Variants in ASAP1 observed in about 807,000 individuals in gnomAD.
ASAP1 encodes ArfGAP with SH3 domain, ankyrin repeat and PH domain 1.
Under a neutral mutation model 145.2 loss-of-function variants are expected in ASAP1, and 43 were observed. The ratio of observed to expected loss-of-function variants is 0.30; its 90% CI spans 0.23 to 0.38. The LOEUF (loss-of-function observed/expected upper bound fraction) is 0.38. ASAP1 is among the 10% of genes least tolerant of loss of function. The probability of loss-of-function intolerance (pLI) is 1.00; values close to 1 mark genes in which losing one functional copy is unlikely to be tolerated. For missense variants in ASAP1, 1,018 were observed against 1,355.3 expected, an observed-to-expected ratio of 0.75 and a Z score of 3.91; for synonymous variants, 546 against 515.5, an observed-to-expected ratio of 1.06 and a Z score of -0.80.
At chr8:130,333,558 C>T (rs914056711) in intron 3 of ASAP1, among the ~76,000 whole-genome samples, 4 of 152,148 alleles carry the variant, frequency 2.6e-5, no homozygotes, top group Non-Finnish European at 5.9e-5. Context: ...GAGCCAAGAT[C>T]GTGCCATTGC....
chr8:130,322,147 C>A (rs1471750198), intron 3 of ASAP1, among the ~76,000 whole-genome samples: 2 of 152,062 alleles, frequency 1.3e-5, no homozygotes, highest in African/African-American at 4.8e-5. Flanking sequence ...GCAAGTAAAA[C>A]ACACAAAAGC....
At chr8:130,375,746 T>C (rs1027935971) in intron 2 of ASAP1, among the ~76,000 whole-genome samples, 1 of 152,154 alleles carries the variant, frequency 6.6e-6, no homozygotes, top group Non-Finnish European at 1.5e-5. Context: ...TCTTACACTA[T>C]CCTGTGAGTG....
chr8:130,110,423 T>A (rs1165538992), intron 24 of ASAP1, among the ~76,000 whole-genome samples: 1 of 152,208 alleles, frequency 6.6e-6, no homozygotes, highest in East Asian at 1.9e-4. Flanking sequence ...CTTCTCACAG[T>A]CCTCTGTAGG....
intron 5 of ASAP1, among the ~76,000 whole-genome samples, chr8:130,209,097 T>A (rs1816417449): frequency 6.6e-6 from 1 of 152,224 alleles, no homozygotes; most frequent in Admixed American, 6.5e-5. Context: ...ATAGTAATAC[T>A]AATATTAATG....
chr8:130,193,912 A>G (rs1815309459), intron 5 of ASAP1, among the ~76,000 whole-genome samples: 1 of 152,086 alleles, frequency 6.6e-6, no homozygotes, highest in African/African-American at 2.4e-5. Context: ...CTGGTTTCCA[A>G]CTCCTGGCCT....
At chr8:130,217,721 AG>A (rs1817024886) in intron 4 of ASAP1, among the ~76,000 whole-genome samples, 1 of 152,158 alleles carries the variant, frequency 6.6e-6, no homozygotes, top group Non-Finnish European at 1.5e-5. Context: ...ATTCCTTTTC[AG>A]GAATTTAAGA....
intron 3 of ASAP1, among the ~76,000 whole-genome samples, chr8:130,257,786 A>ACCCCCC (rs11392655): frequency 7.5e-6 from 1 of 132,874 alleles, no homozygotes; most frequent in African/African-American, 2.9e-5. Context: ...ACTCAAGAGC[A>ACCCCCC]CCCCCCCCCC....
chr8:130,421,000 C>T (rs1370901481), intron 1 of ASAP1, among the ~76,000 whole-genome samples: 1 of 152,120 alleles, frequency 6.6e-6, no homozygotes, highest in Non-Finnish European at 1.5e-5. Flanking sequence ...TATCGGGCTC[C>T]AATGAGGAAC....
chr8:130,148,482 T>C (rs1005670886), intron 13 of ASAP1, among the ~76,000 whole-genome samples: 69 of 152,338 alleles, frequency 4.5e-4, no homozygotes, highest in African/African-American at 1.6e-3. Flanking sequence ...ATGAAGATAG[T>C]GATGCCTATC....
At chr8:130,132,967 C>T (rs80230739) in intron 15 of ASAP1, among the ~76,000 whole-genome samples, 2,329 of 151,942 alleles carry the variant, frequency 0.015, 62 homozygotes, top group African/African-American at 0.052. Flanking sequence ...TGAGCAATAA[C>T]AAAAGTAAGC....
intron 25 of ASAP1, chr8:130,084,680 C>G (rs2097488904): frequency 6.6e-6 from 1 of 152,168 alleles, no homozygotes; most frequent in Non-Finnish European, 1.5e-5. Flanking sequence ...GATTTGAGAT[C>G]TTAAGCAAGT....
chr8:130,172,654 G>A (rs936099761), intron 9 of ASAP1, among the ~76,000 whole-genome samples: 1 of 151,958 alleles, frequency 6.6e-6, no homozygotes, highest in Non-Finnish European at 1.5e-5. Flanking sequence ...CCATGTAGAT[G>A]GTAAAGAGTA....
At chr8:130,331,387 C>T (rs1249221590) in intron 3 of ASAP1, among the ~76,000 whole-genome samples, 39 of 152,148 alleles carry the variant, frequency 2.6e-4, no homozygotes, top group Admixed American at 2.6e-3. Context: ...CTGAGCATTC[C>T]TTACTAACTG....
intron 6 of ASAP1, among the ~76,000 whole-genome samples, chr8:130,187,492 T>C (rs911726739): frequency 1.3e-5 from 2 of 151,698 alleles, no homozygotes; most frequent in African/African-American, 4.9e-5. Context: ...CACAGCTCAC[T>C]GTAGCCTTGA....
At chr8:130,154,701 T>C (rs566857549) in intron 12 of ASAP1, among the ~76,000 whole-genome samples, 1 of 152,352 alleles carries the variant, frequency 6.6e-6, no homozygotes, top group South Asian at 2.1e-4. Flanking sequence ...ATATTGTGCA[T>C]TTAACTACTA....
chr8:130,272,415 G>T (rs924374759), intron 3 of ASAP1, among the ~76,000 whole-genome samples: 3 of 152,090 alleles, frequency 2.0e-5, no homozygotes, highest in African/African-American at 7.2e-5. Context: ...TAGTACAGTC[G>T]CTGTGAAAAA....
chr8:130,185,460 G>T (rs1814651077), intron 7 of ASAP1, among the ~76,000 whole-genome samples: 2 of 152,186 alleles, frequency 1.3e-5, no homozygotes, highest in Non-Finnish European at 2.9e-5. Context: ...GGCCGGGCAT[G>T]GTGGCTCACG....
chr8:130,346,160 GTTTAAAAACCTAGGGTTAAAAAGTGA>G (rs1825691624), intron 3 of ASAP1, among the ~76,000 whole-genome samples: 1 of 152,156 alleles, frequency 6.6e-6, no homozygotes, highest in East Asian at 1.9e-4. Flanking sequence ...AACAAAACAA[GTTTAAAAACCTAGGGTTAAAAAGTGA>G]GGGGGGATGT....
At chr8:130,299,252 C>G (rs1047703516) in intron 3 of ASAP1, among the ~76,000 whole-genome samples, 3 of 152,146 alleles carry the variant, frequency 2.0e-5, no homozygotes, top group African/African-American at 7.2e-5. Flanking sequence ...GCAGATGTGC[C>G]CACTCTACAT....
Sources: allele counts gnomAD v4.1 joint callset (sites outside exome capture counted in the v4.1 genomes callset), GRCh38; gene constraint gnomAD v4.1.1; transcripts MANE v1.5; gene names NCBI Gene and HGNC (gene_info 2026-07-23, HGNC 2026-07-21).